The following ULK1 variants were observed in gnomAD, a reference collection of about 807,000 sequenced individuals.
ULK1 encodes the protein serine/threonine-protein kinase ULK1.
A neutral mutation model predicts 117.5 loss-of-function variants in ULK1; 48 were observed. The ratio of observed to expected loss-of-function variants is 0.41; its 90% confidence interval spans 0.32 to 0.52. The LOEUF is 0.52. Among genes scored for constraint, ULK1 ranks in the 20% least tolerant of loss-of-function variants. The pLI is 0.29. For missense variants in ULK1, 1,387 were observed against 1,473.4 expected, an observed-to-expected ratio of 0.94 and a Z score of 0.96; for synonymous variants, 790 against 637.8, an observed-to-expected ratio of 1.24 and a Z score of -3.60.
chr12:131,915,431 G>A lies in ULK1; in HGVS notation c.1609+10G>A. 1 of 1,611,864 alleles carries A rather than the reference G, an allele frequency of 6.2e-7. No homozygotes were observed. The highest frequency in any genetic ancestry group is 8.5e-7 in the Non-Finnish European group (1 of 1,179,804). ...AGGTCCCCTCGTCCAGGTGGGTGCA[G>A]TCCGGAGGGGGGAGGGGGTGCTAGG... On this transcript the variant is annotated intron_variant, in intron 18 of 27. Coordinates refer to ENST00000321867, the MANE Select transcript of ULK1 (RefSeq NM_003565.4).
intron 3 of ULK1, among the ~76,000 whole-genome samples, chr12:131,904,335 A>G (rs995112953): frequency 2.0e-5 from 3 of 151,926 alleles, no homozygotes; most frequent in Non-Finnish European, 4.4e-5. Flanking sequence ...TTTTGTAGAG[A>G]TGGGGTTTTG....
chr12:131,911,892 A>G, intron 12 of ULK1, 50 bp from the exon 13 acceptor site: 2 of 1,611,900 alleles, frequency 1.2e-6, no homozygotes, highest in Middle Eastern at 1.7e-4. Context: ...TGCTCCCCTG[A>G]GTGTGTAGGT....
intron 12 of ULK1, among the ~76,000 whole-genome samples, 182 bp downstream of exon 12, chr12:131,910,982 ACCC>A (rs1025123889): frequency 1.3e-5 from 2 of 152,084 alleles, no homozygotes; most frequent in South Asian, 4.2e-4. Flanking sequence ...CCCTCCCAAC[ACCC>A]ACAGCCCTCA....
chr12:131,916,271 CCTGGGCTCATGCTCAGG>C, intron 19 of ULK1, 110 bp from the exon 20 acceptor site: 1 of 1,517,356 alleles, frequency 6.6e-7, no homozygotes, highest in Non-Finnish European at 8.9e-7. Flanking sequence ...TTGACCCCCG[CCTGGGCTCATGCTCAGG>C]CTGCTCCCAC....
chr12:131,909,090 G>A, intron 7 of ULK1, 46 bp from the exon 8 acceptor site: 1 of 1,601,394 alleles, frequency 6.2e-7, no homozygotes, highest in Non-Finnish European at 8.5e-7. Flanking sequence ...ACCTTCTGTG[G>A]TTGGCGTGCG....
intron 3 of ULK1, among the ~76,000 whole-genome samples, chr12:131,901,171 C>T (rs1394371071): frequency 6.6e-6 from 1 of 151,708 alleles, no homozygotes; most frequent in African/African-American, 2.4e-5. Flanking sequence ...CCAGCCTGGC[C>T]AACATGGCAA....
chr12:131,917,105 G>GGGTGGGGCTC lies in ULK1; in HGVS notation c.2182+44_2182+45insGTGGGGCTCG, dbSNP rs1411497795. ...GCTCGGAGGCTGTGGGATGGGGGTC[G>GGGTGGGGCTC]GAGGCTGTGGGATGGGGGTCGGAGG... On this transcript the variant is annotated intron_variant, in intron 21 of 27. Coordinates refer to ENST00000321867, the MANE Select transcript of ULK1 (RefSeq NM_003565.4). The GGGTGGGGCTC allele has an allele frequency of 1.6e-5, 18 of 1,128,218 alleles. No individual in the cohort carries two copies. The African/African-American group carries it at 3.3e-4, about 21-fold the overall frequency. 69.9% of individuals were successfully genotyped at this position (1,128,218 alleles called of 1,614,324 possible).
intron 3 of ULK1, chr12:131,906,667 AG>A: frequency 1.7e-6 from 1 of 601,108 alleles, no homozygotes; most frequent in Non-Finnish European, 3.0e-6. Context: ...TGGGGGGACC[AG>A]GGGCCTTTGC....
chr12:131,896,094 T>G lies in ULK1; in HGVS notation c.246+270T>G, dbSNP rs545925598. 2.1e-4 allele frequency among the ~76,000 whole-genome samples: 32 copies of G among 152,126 alleles called. No homozygotes were observed. The South Asian group carries it at 6.7e-3, about 32-fold the overall frequency. ...ACAGGCATCCCCTCCCCGCCGGGCG[T>G]CAGTCCTAGGGGCCCTGCCTGAGTC... is the stretch of plus-strand genomic sequence containing the variant. On this transcript the variant is annotated intron_variant, in intron 3 of 27. Coordinates refer to ENST00000321867, the MANE Select transcript of ULK1 (RefSeq NM_003565.4).
In ULK1 at chr12:131,907,534, G is replaced by A. The variant is rs375584446; in HGVS notation, c.316+3G>A. The stretch of plus-strand genomic sequence containing the variant: ...GGACCTGGCCGACTACCTGCACGGT[G>A]AGTGCACAGCTGCGCCACCTGGGCT... On this transcript the variant is annotated splice_donor_region_variant and intron_variant, in intron 5 of 27. Transcript: ENST00000321867. 6.8e-6 allele frequency: 11 copies of A among 1,611,538 alleles called. No homozygotes were observed. The highest frequency in any genetic ancestry group is 7.6e-6 in the Non-Finnish European group (9 of 1,179,568).
Position 131,909,915 on chromosome 12 carries a change from C to T in ULK1, c.726-4C>T, listed in dbSNP as rs369414350. The stretch of plus-strand genomic sequence containing the variant: ...CTGCTCACACCAGCCTCCTCTTGCC[C>T]CAGCATCCCCCGGGAGACCTCGGCC... On this transcript the variant is annotated splice_polypyrimidine_tract_variant and splice_region_variant and intron_variant, in intron 9 of 27. Transcript: ENST00000321867. The T allele has an allele frequency of 1.1e-5, 18 of 1,611,686 alleles. No homozygotes were observed. The highest frequency in any genetic ancestry group is 1.7e-5 in the Admixed American group (1 of 59,942).
rs752088775 is a variant in ULK1 at position 131,921,095 on chromosome 12, C to G, written c.2962-5C>G. On this transcript the variant is annotated splice_polypyrimidine_tract_variant and splice_region_variant and intron_variant, in intron 26 of 27. Transcript: ENST00000321867. ...GCCCTGTCCAGCCTCTGTCCTCGCC[C>G]CCAGGTGCAGTCGGCTGCCCTGGAC... 2 of 1,588,826 alleles carry G rather than the reference C, an allele frequency of 1.3e-6. No homozygotes were observed. The highest frequency in any genetic ancestry group is 2.2e-5 in the South Asian group (2 of 90,352).
At chr12:131,898,963 C>T (rs1888983220) in intron 3 of ULK1, among the ~76,000 whole-genome samples, 1 of 151,208 alleles carries the variant, frequency 6.6e-6, no homozygotes, top group Non-Finnish European at 1.5e-5. Context: ...ACTGCAACCT[C>T]CACCTCCCTG....
At chr12:131,913,620 G>C in intron 14 of ULK1, 127 bp from the exon 15 acceptor site, 3 of 635,728 alleles carry the variant, frequency 4.7e-6, no homozygotes, top group Middle Eastern at 3.7e-4. Flanking sequence ...CAGGAGAATC[G>C]CTTGAACCCA....
rs749985917 is a variant in ULK1 at position 131,915,158 on chromosome 12, C to T, written c.1449C>T (p.His483=). ...FARASPSPPA[H]AEHGGVLARK... is the part of the protein sequence containing the mutation. ...GGGCCAGCCCCTCGCCCCCTGCCCA[C>T]GCTGAGCATGGAGGCGTCCTGGCCA... The change falls in exon 17 of 28, where the codon CAC becomes CAT. Residue 483 remains histidine (H), a synonymous_variant. Transcript: ENST00000321867. The T allele has an allele frequency of 4.7e-5, 76 of 1,605,716 alleles. No homozygotes were observed. Among genetic ancestry groups the T allele is most frequent in the South Asian group, 3.3e-4 (30 of 90,016 alleles).
At chr12:131,913,945 C>T in intron 15 of ULK1, 109 bp downstream of exon 15, 1 of 991,716 alleles carries the variant, frequency 1.0e-6, no homozygotes, top group Non-Finnish European at 1.4e-6. Context: ...CCAGAGGCCC[C>T]TGCCTTCTTC....
Position 131,911,729 on chromosome 12 carries a change from G to GC in ULK1, c.949-211dup, listed in dbSNP as rs201054360. Among the ~76,000 whole-genome samples the GC allele has an allele frequency of 9.3e-3, 1,413 of 152,282 alleles. 48 individuals are homozygous for GC. The highest frequency in any genetic ancestry group is 0.071 in the Admixed American group (1,084 of 15,294). The stretch of plus-strand genomic sequence containing the variant: ...CATGGTGAGAGTGGCTCGTCGGGGG[G>GC]CCTGTCCCTGCGAGGTCAAAGCTGG... On this transcript the variant is annotated intron_variant, in intron 12 of 27. Coordinates refer to ENST00000321867, the MANE Select transcript of ULK1 (RefSeq NM_003565.4).
rs1890203692 is a variant in ULK1 at position 131,922,742 on chromosome 12, CAA to C, written c.*1385_*1386del. The C allele has an allele frequency of 6.6e-6, 1 of 152,516 alleles. No homozygotes were observed. Among genetic ancestry groups the C allele is most frequent in the African/African-American group, 2.4e-5 (1 of 41,474 alleles). 9.4% of individuals were successfully genotyped at this position (152,516 alleles called of 1,614,324 possible). A position where few individuals can be genotyped will look rare whatever the true frequency, so the allele number is the denominator to read the frequency against. The stretch of plus-strand genomic sequence containing the variant: ...CCAGGGTCACACGCCACATAACAGA[CAA>C]AAATACACACACGTGTGTTTTTCTT... On this transcript the variant is annotated 3_prime_UTR_variant, in exon 28 of 28. Coordinates refer to ENST00000321867, the MANE Select transcript of ULK1 (RefSeq NM_003565.4).
chr12:131,909,839 C>T lies in ULK1; in HGVS notation c.725+6C>T. 6.2e-7 allele frequency: 1 copy of T among 1,611,478 alleles called. No individual in the cohort carries two copies. Among genetic ancestry groups the T allele is most frequent in the Non-Finnish European group, 8.5e-7 (1 of 1,179,292 alleles). ...AACAAGACGTTGGTCCCCACGTAAG[C>T]ACCCTCCCGCCTTCCCTTCCCTTCC... On this transcript the variant is annotated splice_donor_region_variant and intron_variant, in intron 9 of 27. Transcript: ENST00000321867.
Sources: gnomAD v4.1 joint callset for allele counts (sites outside exome capture counted in the v4.1 genomes callset) on GRCh38, gnomAD v4.1.1 for gene constraint, MANE v1.5 for transcripts, NCBI Gene and HGNC (gene_info 2026-07-23, HGNC 2026-07-21) for gene names.